Variants in HPSE2 observed in about 807,000 individuals in gnomAD.
The protein encoded by HPSE2 is heparanase 2 (inactive).
A neutral mutation model predicts 60.5 loss-of-function variants in HPSE2; 38 were observed. The observed-to-expected ratio is 0.63, with a 90% CI of 0.48 to 0.82. HPSE2 has a LOEUF of 0.82. HPSE2 is among the 40% of genes least tolerant of loss of function. The pLI, the probability that HPSE2 is intolerant of heterozygous loss-of-function variation, is 0.00. For synonymous variants in HPSE2, 295 were observed against 293.2 expected, an observed-to-expected ratio of 1.01 and a Z score of -0.06; for missense variants, 713 against 740.4, an observed-to-expected ratio of 0.96 and a Z score of 0.43.
At chr10:98,723,789 G>T (rs543173310) in intron 4 of HPSE2, among the ~76,000 whole-genome samples, 4 of 152,204 alleles carry the variant, frequency 2.6e-5, no homozygotes, top group South Asian at 2.1e-4. Flanking sequence ...TAGTTTGTAT[G>T]TCTGTGGGAT....
At chr10:98,514,554 A>AT (rs1158619665) in intron 9 of HPSE2, among the ~76,000 whole-genome samples, 1 of 152,182 alleles carries the variant, frequency 6.6e-6, no homozygotes. Context: ...TTCACTTCTT[A>AT]TAATTTATTT....
chr10:99,301,741 TAGA>T, the HPSE2 span, among the ~76,000 whole-genome samples: 2 of 152,050 alleles, frequency 1.3e-5, no homozygotes, highest in East Asian at 3.9e-4. Flanking sequence ...ACTCTACTGG[TAGA>T]AGAAGCCAGA....
Position 99,118,523 on chromosome 10 carries a change from C to CAAA in HPSE2, c.610+25712_610+25714dup, listed in dbSNP as rs34901531. Among the ~76,000 whole-genome samples, 125 of 102,234 alleles carry CAAA rather than the reference C, an allele frequency of 1.2e-3. 1 individual carries two copies. The highest frequency in any genetic ancestry group is 1.6e-3 in the Non-Finnish European group (91 of 55,680). The allele number at this position is 102,234 out of a possible 152,430, so 67.1% of individuals were successfully genotyped here. The stretch of plus-strand genomic sequence containing the variant: ...GAGCAACAGAGCAAGACTCCTTCTC[C>CAAA]AAAAAAAAAAAAAAAAAACCATACC... On this transcript the variant is annotated intron_variant, in intron 3 of 11. Transcript: ENST00000370552.
intron 3 of HPSE2, among the ~76,000 whole-genome samples, chr10:98,821,044 G>A (rs534081085): frequency 2.0e-5 from 3 of 152,072 alleles, no homozygotes; most frequent in Non-Finnish European, 4.4e-5. Flanking sequence ...AATCTAAGTG[G>A]CCAGCTAAAA....
chr10:98,609,441 G>A (rs1051155449), intron 9 of HPSE2, among the ~76,000 whole-genome samples: 1 of 151,942 alleles, frequency 6.6e-6, no homozygotes, highest in African/African-American at 2.4e-5. Context: ...TGAAAAATAG[G>A]CCTTCTTTAA....
intron 6 of HPSE2, among the ~76,000 whole-genome samples, chr10:98,658,534 T>C (rs1161487604): frequency 6.6e-6 from 1 of 151,902 alleles, no homozygotes; most frequent in Non-Finnish European, 1.5e-5. Context: ...TTGATTGAAA[T>C]AAAATCCAAT....
chr10:98,634,904 G>T (rs558279730), intron 7 of HPSE2, among the ~76,000 whole-genome samples: 1 of 152,258 alleles, frequency 6.6e-6, no homozygotes, highest in African/African-American at 2.4e-5. Flanking sequence ...TAACTTTTAG[G>T]TGTTAGCCTC....
At chr10:98,744,326 G>T (rs1220291462) in intron 3 of HPSE2, among the ~76,000 whole-genome samples, 1 of 152,004 alleles carries the variant, frequency 6.6e-6, no homozygotes, top group Non-Finnish European at 1.5e-5. Flanking sequence ...TCGGGAGTTC[G>T]AGACCAGCCT....
intron 3 of HPSE2, among the ~76,000 whole-genome samples, chr10:98,794,970 G>T (rs1950741023): frequency 6.7e-6 from 1 of 148,380 alleles, no homozygotes; most frequent in South Asian, 2.2e-4. Flanking sequence ...GCCAAGGGAG[G>T]GGAGGGGAGG....
the HPSE2 span, among the ~76,000 whole-genome samples, chr10:99,282,313 A>T: frequency 6.6e-6 from 1 of 152,176 alleles, no homozygotes; most frequent in South Asian, 2.1e-4. Context: ...ATGTTGAAAA[A>T]AGGCTTAACT....
At chr10:98,623,669 T>G (rs981185060) in intron 7 of HPSE2, among the ~76,000 whole-genome samples, 1 of 152,208 alleles carries the variant, frequency 6.6e-6, no homozygotes, top group African/African-American at 2.4e-5. Context: ...GACTTCAATA[T>G]CTTCATCCAC....
intron 3 of HPSE2, among the ~76,000 whole-genome samples, chr10:98,793,434 T>G (rs576982270): frequency 1.1e-4 from 17 of 152,362 alleles, no homozygotes; most frequent in African/African-American, 3.4e-4. Flanking sequence ...TAGTTCTTTG[T>G]ACATATAAAT....
chr10:99,253,766 A>G, the HPSE2 span, among the ~76,000 whole-genome samples: 1 of 152,192 alleles, frequency 6.6e-6, no homozygotes, highest in African/African-American at 2.4e-5. Context: ...AACAAGCAAA[A>G]ACTAAATAAC....
chr10:98,662,659 G>A lies in HPSE2; in HGVS notation c.1005-20719C>T, dbSNP rs115308961. On this transcript the variant is annotated intron_variant, in intron 6 of 11. Coordinates refer to ENST00000370552, the MANE Select transcript of HPSE2 (RefSeq NM_021828.5). Reference sequence around the variant, plus strand: ...TGTACAACAAACCCCTGTGACATGAGTTTACCTAATAACAAACCTGCACAT... The same window carrying A: ...TGTACAACAAACCCCTGTGACATGAATTTACCTAATAACAAACCTGCACAT... Among the ~76,000 whole-genome samples the A allele has an allele frequency of 2.2e-3, 340 of 152,264 alleles. 3 individuals carry two copies. Among genetic ancestry groups the A allele is most frequent in the African/African-American group, 7.5e-3 (311 of 41,558 alleles).
At chr10:99,208,892 C>G (rs1271604375) in intron 2 of HPSE2, among the ~76,000 whole-genome samples, 1 of 151,998 alleles carries the variant, frequency 6.6e-6, no homozygotes, top group East Asian at 1.9e-4. Context: ...AAGTCAAAAG[C>G]TGTTAAACAG....
At chr10:98,984,609 G>C (rs1475076914) in intron 3 of HPSE2, among the ~76,000 whole-genome samples, 3 of 152,278 alleles carry the variant, frequency 2.0e-5, no homozygotes, top group South Asian at 2.1e-4. Context: ...AGGAACGCAG[G>C]TCCTCACCAG....
intron 3 of HPSE2, among the ~76,000 whole-genome samples, chr10:98,751,739 G>C (rs1380842103): frequency 6.6e-6 from 1 of 152,208 alleles, no homozygotes; most frequent in East Asian, 1.9e-4. Flanking sequence ...TCAGGCCTCT[G>C]AGAACAGCTT....
intron 7 of HPSE2, among the ~76,000 whole-genome samples, chr10:98,628,514 A>G (rs1946276258): frequency 6.6e-6 from 1 of 152,218 alleles, no homozygotes; most frequent in Non-Finnish European, 1.5e-5. Context: ...GGTTATTTTA[A>G]GGGATACACT....
chr10:98,626,118 G>GAAAAAGA (rs1408594378), intron 7 of HPSE2, among the ~76,000 whole-genome samples: 3 of 92,086 alleles, frequency 3.3e-5, no homozygotes, highest in Admixed American at 1.3e-4. Context: ...AAAAAAAAAA[G>GAAAAAGA]AAAAAGAAAA....
Sources: gnomAD v4.1 joint callset for allele counts (sites outside exome capture counted in the v4.1 genomes callset) on GRCh38, gnomAD v4.1.1 for gene constraint, MANE v1.5 for transcripts, NCBI Gene and HGNC (gene_info 2026-07-23, HGNC 2026-07-21) for gene names.